The following BCO2 variants were observed in gnomAD, a reference collection of about 807,000 sequenced individuals.
The protein encoded by BCO2 is beta-carotene oxygenase 2, also known as carotenoid-cleaving dioxygenase, mitochondrial.
In BCO2, 56 loss-of-function variants were observed where a neutral mutation model predicts 65.8. The observed-to-expected ratio is 0.85, with a 90% CI of 0.69 to 1.06. The LOEUF is 1.06. BCO2 is among the 50% of genes least tolerant of loss of function. The probability of loss-of-function intolerance (pLI) is 0.00; values close to 1 mark genes in which losing one functional copy is unlikely to be tolerated. For synonymous variants in BCO2, 233 were observed against 242.3 expected, an observed-to-expected ratio of 0.96 and a Z score of 0.36; for missense variants, 675 against 698.5, an observed-to-expected ratio of 0.97 and a Z score of 0.38.
At chr11:112,190,951 A>G (rs998388211) in intron 2 of BCO2, among the ~76,000 whole-genome samples, 9 of 149,680 alleles carry the variant, frequency 6.0e-5, no homozygotes, top group African/African-American at 1.5e-4. Flanking sequence ...TTCTTAATAT[A>G]TATCTCTTGG....
intron 8 of BCO2, among the ~76,000 whole-genome samples, chr11:112,211,142 T>C (rs1566797783): frequency 6.6e-6 from 1 of 152,162 alleles, no homozygotes; most frequent in East Asian, 1.9e-4. Flanking sequence ...ACCTCTATTC[T>C]ACTTTCTGTT....
intron 8 of BCO2, among the ~76,000 whole-genome samples, chr11:112,206,655 A>T (rs10789863): frequency 0.38 from 57,525 of 151,884 alleles, 11,242 homozygotes; most frequent in South Asian, 0.6. Flanking sequence ...TGTGGTTGCA[A>T]TTTTTTTCCC....
intron 9 of BCO2, 139 bp from the exon 10 acceptor site, chr11:112,214,623 A>G (rs1391579382): frequency 1.6e-6 from 1 of 631,630 alleles, no homozygotes; most frequent in East Asian, 2.7e-5. Context: ...AAAGAGGAAC[A>G]ATATTAAAAC....
chr11:112,211,517 T>C (rs1482157373), intron 8 of BCO2, among the ~76,000 whole-genome samples: 1 of 152,190 alleles, frequency 6.6e-6, no homozygotes, highest in Non-Finnish European at 1.5e-5. Flanking sequence ...TAATTCTGTG[T>C]TTAACTTTTT....
At position 112,217,790 on chromosome 11, in the gene BCO2, T is replaced by A. The variant is rs113614882; in HGVS notation, c.1656T>A (p.Asp552Glu). Residue 552 changes from aspartate to glutamate, a missense_variant, in exon 12 of 12, where the codon GAT becomes GAA. Transcript: ENST00000357685. ...AAAGCAATTTTATCCTAGTTTTGGATGCCAAGAACTTTGAAGAGCTGGGCC... is the reference window on the plus strand; with the variant it reads ...AAAGCAATTTTATCCTAGTTTTGGAAGCCAAGAACTTTGAAGAGCTGGGCC... ...QNESNFILVL[D>E]AKNFEELGRA... is the part of the protein sequence containing the mutation. 3 of 1,613,592 alleles carry A rather than the reference T, an allele frequency of 1.9e-6. No individual in the cohort carries two copies. The highest frequency in any genetic ancestry group is 2.5e-6 in the Non-Finnish European group (3 of 1,179,734).
Position 112,215,695 on chromosome 11 carries a change from G to A in BCO2, c.1516-525G>A, listed in dbSNP as rs143340629. On this transcript the variant is annotated intron_variant, in intron 10 of 11. Coordinates refer to ENST00000357685, the MANE Select transcript of BCO2 (RefSeq NM_031938.7). ...CTGCACTCCAGCCTGGCGACAGTGC[G>A]AGATTCCGTCTCAAAAATCAAAACA... The A allele has an allele frequency of 1.7e-4, 25 of 149,352 alleles. No homozygotes were observed. The East Asian group carries it at 4.0e-3, about 24-fold the overall frequency. The allele number at this position is 149,352 out of a possible 1,614,324, so 9.3% of individuals were successfully genotyped here. A position where few individuals can be genotyped will look rare whatever the true frequency, so the allele number is the denominator to read the frequency against.
intron 2 of BCO2, chr11:112,183,328 G>A (rs1867109729): frequency 3.3e-6 from 2 of 598,284 alleles, no homozygotes; most frequent in South Asian, 4.1e-5. Flanking sequence ...GATTATGCTT[G>A]TTCTCAGCGG....
At chr11:112,185,929 C>T (rs1331915258) in intron 2 of BCO2, among the ~76,000 whole-genome samples, 1 of 152,110 alleles carries the variant, frequency 6.6e-6, no homozygotes, top group Admixed American at 6.5e-5. Flanking sequence ...CCCATTCTTC[C>T]CTTCCTCTAA....
intron 2 of BCO2, among the ~76,000 whole-genome samples, chr11:112,184,381 T>G (rs1317401009): frequency 6.6e-6 from 1 of 151,900 alleles, no homozygotes. Context: ...GCCTCCCGAG[T>G]AGCTGGGACT....
At chr11:112,214,732 C>A (rs747270473) in intron 9 of BCO2, 30 bp from the exon 10 acceptor site, 2 of 1,581,922 alleles carry the variant, frequency 1.3e-6, no homozygotes, top group Admixed American at 1.7e-5. Flanking sequence ...ATTAAGCAAC[C>A]ACTACAAATC....
rs147391427 is a variant in BCO2 at position 112,211,352 on chromosome 11, A to ACACACACACACACT, written c.1195-2372_1195-2371insCACACACACACACT. Among the ~76,000 whole-genome samples, 166 of 148,976 alleles carry ACACACACACACACT rather than the reference A, an allele frequency of 1.1e-3. 4 individuals carry two copies. The highest frequency in any genetic ancestry group is 3.4e-3 in the African/African-American group (137 of 39,766). ...CACACACACACACACACACACACACAATATTTGTTTATTCATCTGTTGATG... is the reference window on the plus strand; with the variant it reads ...CACACACACACACACACACACACACACACACACACACACTATATTTGTTTATTCATCTGTTGATG... On this transcript the variant is annotated intron_variant, in intron 8 of 11. Coordinates refer to ENST00000357685, the MANE Select transcript of BCO2 (RefSeq NM_031938.7).
At chr11:112,195,379 C>T (rs1309882840) in intron 5 of BCO2, among the ~76,000 whole-genome samples, 1 of 152,126 alleles carries the variant, frequency 6.6e-6, no homozygotes, top group Admixed American at 6.5e-5. Flanking sequence ...GTGATCTGCC[C>T]GCCTGGGCCT....
chr11:112,178,170 C>T (rs559686186), intron 1 of BCO2, among the ~76,000 whole-genome samples: 9 of 152,094 alleles, frequency 5.9e-5, no homozygotes, highest in African/African-American at 2.2e-4. Context: ...CTGCCTTGGC[C>T]TCCCAAAGTG....
At position 112,199,775 on chromosome 11, in the gene BCO2, A is replaced by G; in HGVS notation, c.813A>G (p.Ile271Met). ...LGETIHGVQVICSIASTEKGK... is the reference protein window; with the variant it reads ...LGETIHGVQVMCSIASTEKGK... Reference sequence around the variant, plus strand: ...AGACAATCCATGGAGTCCAGGTGATATGTTCTATTGCTTCTACAGAGAAAG... The same window carrying G: ...AGACAATCCATGGAGTCCAGGTGATGTGTTCTATTGCTTCTACAGAGAAAG... The change falls in exon 6 of 12, where the codon ATA becomes ATG. Residue 271 changes from isoleucine (I) to methionine (M), a missense_variant. Coordinates refer to ENST00000357685, the MANE Select transcript of BCO2 (RefSeq NM_031938.7). 2 of 1,613,942 alleles carry G rather than the reference A, an allele frequency of 1.2e-6. No homozygotes were observed. Among genetic ancestry groups the G allele is most frequent in the East Asian group, 2.2e-5 (1 of 44,872 alleles).
intron 1 of BCO2, chr11:112,176,522 G>GGGGGA (rs1555193556): frequency 2.9e-5 from 4 of 137,006 alleles, no homozygotes; most frequent in Non-Finnish European, 6.3e-5. Flanking sequence ...ATTGGCGGGG[G>GGGGGA]GGGGGGAATT....
chr11:112,180,151 A>G (rs1443204625), intron 2 of BCO2, among the ~76,000 whole-genome samples: 1 of 152,164 alleles, frequency 6.6e-6, no homozygotes, highest in Non-Finnish European at 1.5e-5. Context: ...AATCATCTCT[A>G]AATTACTCTA....
rs867364891 is a variant in BCO2, at chr11:112,203,258, G to A, written c.1194+1068G>A. ...TTTCTAGCTGTAGCTTTATTTTTTA[G>A]CTATAATTGTCTTTTTAAATGTTTG... is the stretch of plus-strand genomic sequence containing the variant. On this transcript the variant is annotated intron_variant, in intron 8 of 11. Coordinates refer to ENST00000357685, the MANE Select transcript of BCO2 (RefSeq NM_031938.7). Among the ~76,000 whole-genome samples the A allele has an allele frequency of 3.9e-5, 6 of 152,114 alleles. No homozygotes were observed. The East Asian group carries it at 1.2e-3, about 29-fold the overall frequency.
chr11:112,175,596 A>G lies in BCO2; in HGVS notation c.-6A>G, dbSNP rs758955089. ...TTGGAAATCACTGGATCTGCTCAAT[A>G]CAAAAATGTTTTTTCGAGTCTTTCT... On this transcript the variant is annotated 5_prime_UTR_variant, in exon 1 of 12. The change creates a new upstream start codon in the 5' untranslated region. Transcript: ENST00000357685. 1 of 1,609,176 alleles carries G rather than the reference A, an allele frequency of 6.2e-7. No homozygotes were observed. Among genetic ancestry groups the G allele is most frequent in the East Asian group, 2.2e-5 (1 of 44,844 alleles).
chr11:112,208,803 A>G (rs970842537), intron 8 of BCO2: 4 of 190,412 alleles, frequency 2.1e-5, no homozygotes, highest in Non-Finnish European at 4.6e-5. Context: ...TGTACCAGAC[A>G]CTGCAGAAGT....
Sources: allele counts gnomAD v4.1 joint callset (sites outside exome capture counted in the v4.1 genomes callset), GRCh38; gene constraint gnomAD v4.1.1; transcripts MANE v1.5; gene names NCBI Gene and HGNC (gene_info 2026-07-23, HGNC 2026-07-21).